The following CPQ variants were observed in gnomAD, a reference collection of about 807,000 sequenced individuals.
CPQ encodes the protein carboxypeptidase Q.
CPQ carries 37 observed loss-of-function variants against 45.7 expected under a neutral mutation model. That is an observed-to-expected ratio of 0.81 (90% CI 0.62 to 1.07). The LOEUF is 1.07. Ranked by LOEUF, CPQ falls within the 50% of genes least tolerant of loss-of-function variation. The probability of loss-of-function intolerance (pLI) is 0.00; values close to 1 mark genes in which losing one functional copy is unlikely to be tolerated. For synonymous variants in CPQ, 186 were observed against 205.8 expected (o/e 0.90, Z 0.82); for missense variants, 537 against 572.9 (o/e 0.94, Z 0.64).
chr8:96,959,891 C>CAAAAAAAAAAAAAAA (rs540520742), intron 4 of CPQ, among the ~76,000 whole-genome samples: 1 of 80,550 alleles, frequency 1.2e-5, no homozygotes, highest in Non-Finnish European at 2.9e-5. Context: ...ATCACAAAAG[C>CAAAAAAAAAAAAAAA]AAAAAAAAAA....
intron 6 of CPQ, among the ~76,000 whole-genome samples, chr8:97,034,907 T>C (rs911329805): frequency 2.4e-4 from 36 of 151,682 alleles, no homozygotes; most frequent in African/African-American, 5.6e-4. Flanking sequence ...TTTTTTTTTT[T>C]CGAGATGGAG....
At chr8:96,650,536 G>A (rs1343268263) in intron 1 of CPQ, among the ~76,000 whole-genome samples, 1 of 152,072 alleles carries the variant, frequency 6.6e-6, no homozygotes, top group Non-Finnish European at 1.5e-5. Flanking sequence ...TGGCTCAGAC[G>A]GCTCAGATCC....
chr8:96,914,257 G>T (rs1162003913), intron 4 of CPQ, among the ~76,000 whole-genome samples: 2 of 152,164 alleles, frequency 1.3e-5, no homozygotes, highest in Non-Finnish European at 2.9e-5. Context: ...AAAGGCAAGG[G>T]TGGTTACTAC....
intron 4 of CPQ, among the ~76,000 whole-genome samples, chr8:96,945,107 G>A (rs1272557298): frequency 1.3e-5 from 2 of 152,138 alleles, no homozygotes; most frequent in African/African-American, 2.4e-5. Flanking sequence ...GAAGAAAAGA[G>A]CTCTGGGGGA....
intron 4 of CPQ, among the ~76,000 whole-genome samples, chr8:96,959,472 CCT>C (rs1023811050): frequency 3.3e-5 from 5 of 151,942 alleles, no homozygotes; most frequent in South Asian, 2.1e-4. Flanking sequence ...TAACCTTTCC[CCT>C]GTTAGTCATT....
At chr8:97,035,248 T>G (rs1809978546) in intron 6 of CPQ, among the ~76,000 whole-genome samples, 1 of 152,188 alleles carries the variant, frequency 6.6e-6, no homozygotes, top group South Asian at 2.1e-4. Context: ...GTCTCTTTAT[T>G]CTCCAGAACG....
chr8:96,926,570 CTCTTCCTCTTCTTCTTCTTCTTCT>C, intron 4 of CPQ, among the ~76,000 whole-genome samples: 1 of 46,686 alleles, frequency 2.1e-5, no homozygotes, highest in Admixed American at 1.7e-4. Context: ...CTTCCTCTTC[CTCTTCCTCTTCTTCTTCTTCTTCT>C]TCTTCTTCTT....
intron 1 of CPQ, among the ~76,000 whole-genome samples, chr8:96,741,551 T>C (rs1352933766): frequency 6.6e-6 from 1 of 152,240 alleles, no homozygotes; most frequent in Non-Finnish European, 1.5e-5. Context: ...TTTCTAATTC[T>C]TTTAATTGTG....
chr8:96,816,457 A>G (rs1164000016), intron 2 of CPQ, among the ~76,000 whole-genome samples: 1 of 152,132 alleles, frequency 6.6e-6, no homozygotes, highest in Non-Finnish European at 1.5e-5. Context: ...AAAGTCATCC[A>G]TGAGGGTTGG....
chr8:96,935,354 C>T (rs1296752069), intron 4 of CPQ, among the ~76,000 whole-genome samples: 1 of 152,128 alleles, frequency 6.6e-6, no homozygotes, highest in Non-Finnish European at 1.5e-5. Context: ...TGGCTTGAGA[C>T]ATGTGCCTAC....
At chr8:96,696,218 A>G (rs1484766070) in intron 1 of CPQ, among the ~76,000 whole-genome samples, 1 of 150,866 alleles carries the variant, frequency 6.6e-6, no homozygotes, top group African/African-American at 2.4e-5. Context: ...GCATATTCTC[A>G]CTCATAGGTG....
intron 4 of CPQ, among the ~76,000 whole-genome samples, chr8:96,944,400 G>T (rs569059729): frequency 6.6e-6 from 1 of 152,012 alleles, no homozygotes; most frequent in Non-Finnish European, 1.5e-5. Context: ...CTGTCGTCTC[G>T]TTAGTATATC....
At chr8:96,687,180 C>CTTTTCT (rs1563469130) in intron 1 of CPQ, among the ~76,000 whole-genome samples, 15 of 124,392 alleles carry the variant, frequency 1.2e-4, no homozygotes, top group African/African-American at 4.7e-4. Context: ...TTTTCTTTCT[C>CTTTTCT]TTCTCTTCTC....
chr8:97,089,851 G>A (rs1343386891), intron 7 of CPQ, among the ~76,000 whole-genome samples: 6 of 152,084 alleles, frequency 3.9e-5, no homozygotes, highest in East Asian at 1.9e-4. Context: ...TATTACAAGC[G>A]CAAAGACTCC....
At chr8:96,905,587 G>A (rs1586445915) in intron 4 of CPQ, among the ~76,000 whole-genome samples, 1 of 151,990 alleles carries the variant, frequency 6.6e-6, no homozygotes, top group South Asian at 2.1e-4. Context: ...GCAGGACCTC[G>A]GGTCATGGTT....
intron 5 of CPQ, among the ~76,000 whole-genome samples, chr8:96,980,593 C>T (rs1813876199): frequency 6.6e-6 from 1 of 152,162 alleles, no homozygotes; most frequent in Non-Finnish European, 1.5e-5. Flanking sequence ...ATTGCCAAAA[C>T]AGCAGGTTGG....
intron 6 of CPQ, chr8:97,056,273 G>T (rs1810454995): frequency 6.6e-6 from 1 of 152,106 alleles, no homozygotes; most frequent in Non-Finnish European, 1.5e-5. Flanking sequence ...ATGAAAATAT[G>T]AATTTGGAAC....
At chr8:97,123,002 T>TATAAA (rs1554591573) in intron 7 of CPQ, among the ~76,000 whole-genome samples, 200 of 15,204 alleles carry the variant, frequency 0.013, 39 homozygotes, top group African/African-American at 0.066. Context: ...TAAAATAAAA[T>TATAAA]ATAAAATAAA....
chr8:97,053,609 G>T (rs1329290514), intron 6 of CPQ, among the ~76,000 whole-genome samples: 1 of 152,204 alleles, frequency 6.6e-6, no homozygotes, highest in Non-Finnish European at 1.5e-5. Context: ...AAGGAAAGCA[G>T]TAGGACAAGA....
Sources: allele counts gnomAD v4.1 joint callset (sites outside exome capture counted in the v4.1 genomes callset), GRCh38; gene constraint gnomAD v4.1.1; transcripts MANE v1.5; gene names NCBI Gene and HGNC (gene_info 2026-07-23, HGNC 2026-07-21).